PBX1: variants seen among roughly 807,000 people sequenced by gnomAD.
PBX1 encodes the protein pre-B-cell leukemia transcription factor 1.
A neutral mutation model predicts 53.4 loss-of-function variants in PBX1; 6 were observed. The ratio of observed to expected loss-of-function variants is 0.11; its 90% CI spans 0.06 to 0.22. The LOEUF is 0.22. Among genes scored for constraint, PBX1 ranks in the 10% least tolerant of loss-of-function variants. PBX1 has a pLI of 1.00. For synonymous variants in PBX1, 204 were observed against 212.3 expected (o/e 0.96, Z 0.34); for missense variants, 251 against 551.4 (o/e 0.46, Z 5.46).
At chr1:164,823,625 G>GT (rs1452011479) in intron 8 of PBX1, among the ~76,000 whole-genome samples, 2 of 129,874 alleles carry the variant, frequency 1.5e-5, no homozygotes, top group Non-Finnish European at 1.6e-5. Flanking sequence ...GGTGGGGGGG[G>GT]GGGTCAACAC....
intron 2 of PBX1, among the ~76,000 whole-genome samples, chr1:164,873,444 T>C (rs1054123029): frequency 1.3e-5 from 2 of 152,234 alleles, no homozygotes; most frequent in Non-Finnish European, 2.9e-5. Flanking sequence ...AATGTGAATG[T>C]GGCATGACTT....
chr1:164,775,859 A>G (rs1667615535), intron 2 of PBX1, among the ~76,000 whole-genome samples: 2 of 152,176 alleles, frequency 1.3e-5, no homozygotes, highest in African/African-American at 4.8e-5. Flanking sequence ...GCATGGGCAT[A>G]CATTGGGGTC....
At chr1:164,613,908 G>C (rs1657101896) in intron 2 of PBX1, among the ~76,000 whole-genome samples, 1 of 151,726 alleles carries the variant, frequency 6.6e-6, no homozygotes. Context: ...ACCTACAGTG[G>C]AGATCCCAGT....
chr1:164,700,694 C>T (rs1663068220), intron 2 of PBX1: 1 of 985,184 alleles, frequency 1.0e-6, no homozygotes, highest in Non-Finnish European at 1.2e-6. Context: ...GGAAGGGGAC[C>T]CAACTCTCCT....
In PBX1 at chr1:164,797,338, G is replaced by A. The variant is rs547998453; in HGVS notation, c.511-2361G>A. On this transcript the variant is annotated intron_variant, in intron 3 of 8. Transcript: ENST00000420696. ...AGACGAGGTGGGGAGGCTGCAGCCC[G>A]GCGGGAGGTTGTTTCTCTAGAAAGG... Among the ~76,000 whole-genome samples the A allele has an allele frequency of 7.2e-5, 11 of 152,152 alleles. No individual in the cohort carries two copies. The East Asian group carries it at 1.2e-3, about 16-fold the overall frequency.
intron 2 of PBX1, among the ~76,000 whole-genome samples, chr1:164,786,720 T>TGTGTGCGCGCGC (rs1357886882): frequency 2.1e-4 from 24 of 116,296 alleles, no homozygotes; most frequent in African/African-American, 8.0e-4. Context: ...TGTGTGTGTG[T>TGTGTGCGCGCGC]GCGCGCGCAC....
At chr1:164,842,995 A>C (rs1005383312) in intron 8 of PBX1, among the ~76,000 whole-genome samples, 7 of 145,540 alleles carry the variant, frequency 4.8e-5, no homozygotes, top group Admixed American at 1.5e-4. Flanking sequence ...GGAGTTTCCT[A>C]CTTAATATTC....
At position 164,807,671 on chromosome 1, in the gene PBX1, C is replaced by A; in HGVS notation, c.831C>A (p.Val277=). 1 of 1,613,958 alleles carries A rather than the reference C, an allele frequency of 6.2e-7. No homozygotes were observed. Among genetic ancestry groups the A allele is most frequent in the Non-Finnish European group, 8.5e-7 (1 of 1,179,918 alleles). ...EELAKKCGIT[V]SQVSNWFGNK... is the part of the protein sequence containing the mutation. ...TAGCCAAGAAGTGTGGCATCACAGT[C>A]TCCCAGGTAAGCAGCACCTCAAAAG... Residue 277 remains valine (V), a synonymous_variant, in exon 5 of 9, where the codon GTC becomes GTA. Transcript: ENST00000420696.
At chr1:164,755,239 C>G (rs1314516155) in intron 2 of PBX1, among the ~76,000 whole-genome samples, 1 of 152,160 alleles carries the variant, frequency 6.6e-6, no homozygotes, top group African/African-American at 2.4e-5. Context: ...TGACCTCCGC[C>G]TCCCGGTTTC....
intron 2 of PBX1, among the ~76,000 whole-genome samples, chr1:164,619,424 T>G (rs771520775): frequency 2.6e-5 from 4 of 151,984 alleles, no homozygotes; most frequent in East Asian, 1.9e-4. Flanking sequence ...GCAGCTGACT[T>G]ACTTACTGGG....
At chr1:164,874,685 G>A (rs1387907008) in intron 2 of PBX1, among the ~76,000 whole-genome samples, 1 of 152,090 alleles carries the variant, frequency 6.6e-6, no homozygotes, top group Non-Finnish European at 1.5e-5. Context: ...GTAGAGACGA[G>A]TTTTCTCCAT....
At chr1:164,824,457 CA>C (rs1336855274) in intron 8 of PBX1, among the ~76,000 whole-genome samples, 1 of 152,238 alleles carries the variant, frequency 6.6e-6, no homozygotes, top group Admixed American at 6.5e-5. Flanking sequence ...AAGGGATTGG[CA>C]AAGCATAAAT....
At chr1:164,883,382 C>T (rs1672707005) in intron 2 of PBX1, among the ~76,000 whole-genome samples, 1 of 152,152 alleles carries the variant, frequency 6.6e-6, no homozygotes, top group African/African-American at 2.4e-5. Context: ...ATTTTCAAAG[C>T]ATCCACTAAA....
At chr1:164,722,858 G>A (rs1044258830) in intron 2 of PBX1, among the ~76,000 whole-genome samples, 1 of 152,168 alleles carries the variant, frequency 6.6e-6, no homozygotes, top group Admixed American at 6.5e-5. Context: ...TTTCCAAGAG[G>A]ATTCTTCCAA....
Position 164,729,497 on chromosome 1 carries a change from A to G in PBX1, c.266-62997A>G, listed in dbSNP as rs868418289. Among the ~76,000 whole-genome samples, 19 of 152,354 alleles carry G rather than the reference A, an allele frequency of 1.2e-4. No individual in the cohort carries two copies. The Middle Eastern group carries it at 0.01, about 82-fold the overall frequency. ...TTGTGTAAATATGTATATATACATAATATAGACATATACATACATGTAACT... is the reference window on the plus strand; with the variant it reads ...TTGTGTAAATATGTATATATACATAGTATAGACATATACATACATGTAACT... On this transcript the variant is annotated intron_variant, in intron 2 of 8. Transcript: ENST00000420696.
chr1:164,700,376 A>C, intron 2 of PBX1: 1 of 817,844 alleles, frequency 1.2e-6, no homozygotes. Context: ...CAAGGAAGGC[A>C]CATCAAGGGA....
intron 2 of PBX1, among the ~76,000 whole-genome samples, chr1:164,754,589 A>G (rs1307003248): frequency 2.0e-5 from 3 of 152,170 alleles, no homozygotes; most frequent in African/African-American, 7.2e-5. Flanking sequence ...GTGACTGTGT[A>G]AGGAGAAGGG....
chr1:164,796,019 ATTT>A (rs10717463), intron 3 of PBX1, among the ~76,000 whole-genome samples: 6 of 142,632 alleles, frequency 4.2e-5, no homozygotes, highest in Non-Finnish European at 1.5e-5. Context: ...TTTTGAAGAC[ATTT>A]TTTTTTTTTT....
intron 2 of PBX1, among the ~76,000 whole-genome samples, chr1:164,757,991 A>G (rs1666619041): frequency 6.6e-6 from 1 of 152,218 alleles, no homozygotes; most frequent in Non-Finnish European, 1.5e-5. Context: ...GGAGGTGATT[A>G]GACTTTTCCT....
Sources: gnomAD v4.1 joint callset for allele counts (sites outside exome capture counted in the v4.1 genomes callset) on GRCh38, gnomAD v4.1.1 for gene constraint, MANE v1.5 for transcripts, NCBI Gene and HGNC (gene_info 2026-07-23, HGNC 2026-07-21) for gene names.